GPR137C: variants seen among roughly 807,000 people sequenced by gnomAD.
GPR137C encodes G protein-coupled receptor 137C.
GPR137C carries 27 observed loss-of-function variants against 43.4 expected under a neutral mutation model. The ratio of observed to expected loss-of-function variants is 0.62; its 90% confidence interval spans 0.46 to 0.86. GPR137C has a LOEUF of 0.86. Ranked by LOEUF, GPR137C falls within the 40% of genes least tolerant of loss-of-function variation. GPR137C has a pLI of 0.00. For synonymous variants in GPR137C, 285 were observed against 226.9 expected, an observed-to-expected ratio of 1.26 and a Z score of -2.30; for missense variants, 522 against 534.6, an observed-to-expected ratio of 0.98 and a Z score of 0.23.
intron 3 of GPR137C, among the ~76,000 whole-genome samples, chr14:52,602,777 G>T (rs2038941673): frequency 6.6e-6 from 1 of 152,014 alleles, no homozygotes; most frequent in Non-Finnish European, 1.5e-5. Context: ...GCACTTATCA[G>T]TTTATACAAA....
intron 3 of GPR137C, among the ~76,000 whole-genome samples, chr14:52,620,846 G>C (rs541385148): frequency 7.2e-5 from 11 of 151,892 alleles, no homozygotes; most frequent in African/African-American, 2.4e-4. Flanking sequence ...TTCACTTAAA[G>C]ATAAATCAAT....
intron 1 of GPR137C, among the ~76,000 whole-genome samples, chr14:52,563,833 T>A (rs1160452879): frequency 6.6e-6 from 1 of 152,188 alleles, no homozygotes; most frequent in Non-Finnish European, 1.5e-5. Context: ...ATTCACTTCT[T>A]CCCTTCAAAA....
chr14:52,560,730 C>A (rs775516915), intron 1 of GPR137C, among the ~76,000 whole-genome samples: 1 of 152,076 alleles, frequency 6.6e-6, no homozygotes, highest in Non-Finnish European at 1.5e-5. Context: ...TTGATTGTTA[C>A]CTCACACCAT....
chr14:52,633,783 T>G lies in GPR137C; in HGVS notation c.994-45T>G, dbSNP rs542020278. 44 of 1,533,706 alleles carry G rather than the reference T, an allele frequency of 2.9e-5. No homozygotes were observed. In the South Asian group the frequency reaches 4.6e-4, roughly 16 times the overall value. On this transcript the variant is annotated intron_variant, in intron 5 of 6. Coordinates refer to ENST00000321662, the MANE Select transcript of GPR137C (RefSeq NM_001099652.2). The stretch of plus-strand genomic sequence containing the variant: ...TATAGATTCTAGCCTCCTTTCTTAG[T>G]GGAAAAGTAAAACCTTCATATGCTA...
At chr14:52,616,657 A>G (rs2039103410) in intron 3 of GPR137C, among the ~76,000 whole-genome samples, 1 of 152,172 alleles carries the variant, frequency 6.6e-6, no homozygotes, top group African/African-American at 2.4e-5. Flanking sequence ...TTGTCCATGC[A>G]TGGAATCTGA....
chr14:52,567,493 T>C (rs1357701504), intron 1 of GPR137C, among the ~76,000 whole-genome samples: 1 of 152,206 alleles, frequency 6.6e-6, no homozygotes, highest in African/African-American at 2.4e-5. Flanking sequence ...TTGTAGGTAT[T>C]CTCACCTTTT....
intron 3 of GPR137C, among the ~76,000 whole-genome samples, chr14:52,621,975 AAAT>A (rs2039166968): frequency 6.6e-6 from 1 of 151,804 alleles, no homozygotes; most frequent in South Asian, 2.1e-4. Context: ...TTATAAAACA[AAAT>A]AATACTGAGA....
chr14:52,633,685 C>T, intron 5 of GPR137C, 30 bp downstream of exon 5: 2 of 1,604,462 alleles, frequency 1.2e-6, no homozygotes, highest in African/African-American at 1.3e-5. Context: ...AATGCCTGTT[C>T]TCCTATTTTT....
chr14:52,603,900 C>A (rs931699982), intron 3 of GPR137C, among the ~76,000 whole-genome samples: 3 of 152,056 alleles, frequency 2.0e-5, no homozygotes, highest in African/African-American at 7.2e-5. Flanking sequence ...TACAGGCATT[C>A]CCCTTTCTCT....
At chr14:52,588,028 T>C (rs1331640871) in intron 1 of GPR137C, among the ~76,000 whole-genome samples, 1 of 152,198 alleles carries the variant, frequency 6.6e-6, no homozygotes, top group African/African-American at 2.4e-5. Context: ...GTAAAAGATA[T>C]TTACATCATC....
At chr14:52,632,378 T>A (rs1012826779) in intron 4 of GPR137C, 69 bp downstream of exon 4, 76 of 1,107,946 alleles carry the variant, frequency 6.9e-5, no homozygotes, top group Non-Finnish European at 9.7e-5. Context: ...AGAAGAACAC[T>A]GTAGTGTTTG....
chr14:52,609,436 C>T (rs2039015605), intron 3 of GPR137C, among the ~76,000 whole-genome samples: 1 of 152,152 alleles, frequency 6.6e-6, no homozygotes, highest in South Asian at 2.1e-4. Context: ...TTGATGAGGT[C>T]ATATTTCTCT....
At chr14:52,583,750 G>A (rs1331642929) in intron 1 of GPR137C, among the ~76,000 whole-genome samples, 1 of 150,758 alleles carries the variant, frequency 6.6e-6, no homozygotes, top group Non-Finnish European at 1.5e-5. Context: ...CACCTTCCTG[G>A]ATGAATCAGC....
At chr14:52,626,132 C>T (rs1382900975) in intron 3 of GPR137C, among the ~76,000 whole-genome samples, 2 of 152,070 alleles carry the variant, frequency 1.3e-5, no homozygotes, top group East Asian at 3.8e-4. Context: ...GTAGGATGTG[C>T]ACATTATATG....
chr14:52,574,096 T>C (rs150929167), intron 1 of GPR137C, among the ~76,000 whole-genome samples: 13,689 of 152,126 alleles, frequency 0.09, 688 homozygotes, highest in South Asian at 0.15. Context: ...TGTGGAGAAA[T>C]AGGAACACTT....
rs374087421 is a variant in GPR137C, at chr14:52,575,915, G to A, written c.444+22324G>A. 3.3e-4 allele frequency among the ~76,000 whole-genome samples: 51 copies of A among 152,288 alleles called. 1 individual carries two copies. The East Asian group carries it at 6.8e-3, about 20-fold the overall frequency. On this transcript the variant is annotated intron_variant, in intron 1 of 6. Coordinates refer to ENST00000321662, the MANE Select transcript of GPR137C (RefSeq NM_001099652.2). ...ACAACCTCCCAGTTATCTTCTCCTAGTGGAGTCTTACAGATAGAGCTTAGT... is the reference window on the plus strand; with the variant it reads ...ACAACCTCCCAGTTATCTTCTCCTAATGGAGTCTTACAGATAGAGCTTAGT...
rs1219969122 is a variant in GPR137C at position 52,600,487 on chromosome 14, C to T, written c.717+146C>T. ...ACAGGGTCTCGCCATATTAGTCAGG[C>T]TAGAGTGCAATGGCTATTCACAGAT... On this transcript the variant is annotated intron_variant, in intron 3 of 6. Coordinates refer to ENST00000321662, the MANE Select transcript of GPR137C (RefSeq NM_001099652.2). 8.5e-6 allele frequency: 5 copies of T among 590,258 alleles called. 1 individual carries two copies. In the South Asian group the frequency reaches 1.1e-4, roughly 13 times the overall value. The allele number at this position is 590,258 out of a possible 1,614,324, so 36.6% of individuals were successfully genotyped here. A position where few individuals can be genotyped will look rare whatever the true frequency, so the allele number is the denominator to read the frequency against.
rs2139588710 is a variant in GPR137C, at chr14:52,634,973, C to A, written c.1148C>A (p.Thr383Asn). 1 of 1,612,552 alleles carries A rather than the reference C, an allele frequency of 6.2e-7. No individual in the cohort carries two copies. The highest frequency in any genetic ancestry group is 2.2e-5 in the East Asian group (1 of 44,842). The change falls in exon 7 of 7, where the codon ACC becomes AAC. Residue 383 changes from threonine (T) to asparagine (N), a missense_variant. Physicochemically the swap from Thr to Asn is moderately conservative, Grantham distance 65 (BLOSUM62 0). Transcript: ENST00000321662. ...PNSQSLGWYGTMTGCGSSSYT... is the reference protein window; with the variant it reads ...PNSQSLGWYGNMTGCGSSSYT... ...TCGCAAAGTTTGGGCTGGTATGGCA[C>A]CATGACTGGGTGTGGCAGCAGCAGT... is the stretch of plus-strand genomic sequence containing the variant.
chr14:52,593,182 G>A (rs1034177349), intron 1 of GPR137C, among the ~76,000 whole-genome samples: 5 of 152,116 alleles, frequency 3.3e-5, no homozygotes, highest in Non-Finnish European at 5.9e-5. Flanking sequence ...GGATGAAGCC[G>A]AGTTGATTGT....
Sources: gnomAD v4.1 joint callset for allele counts (sites outside exome capture counted in the v4.1 genomes callset) on GRCh38, gnomAD v4.1.1 for gene constraint, MANE v1.5 for transcripts, NCBI Gene and HGNC (gene_info 2026-07-23, HGNC 2026-07-21) for gene names.